The following IL1RAPL1 variants were observed in gnomAD, a reference collection of about 807,000 sequenced individuals.
IL1RAPL1 encodes the protein interleukin-1 receptor accessory protein-like 1.
Under a neutral mutation model 48.4 loss-of-function variants are expected in IL1RAPL1, and 3 were observed. That is an observed-to-expected ratio of 0.06 (90% CI 0.03 to 0.16). IL1RAPL1 has a LOEUF of 0.16. Ranked by LOEUF, IL1RAPL1 falls within the 10% of genes least tolerant of loss-of-function variation. IL1RAPL1 has a pLI of 1.00. For missense variants in IL1RAPL1, 349 were observed against 530.6 expected (o/e 0.66, Z 3.36); for synonymous variants, 185 against 187.7 (o/e 0.99, Z 0.12).
chrX:29,081,426 C>G (rs1251258533), intron 2 of IL1RAPL1, among the ~76,000 whole-genome samples: 1 of 110,629 alleles, frequency 9.0e-6, no homozygotes, highest in Non-Finnish European at 1.9e-5. Context: ...TGGCCTCAAA[C>G]TCCTGGGCTC....
intron 5 of IL1RAPL1, among the ~76,000 whole-genome samples, chrX:29,414,457 C>T (rs1934188736): frequency 9.0e-6 from 1 of 111,049 alleles, no homozygotes; most frequent in African/African-American, 3.3e-5. Flanking sequence ...GGTGGCTTGC[C>T]CCTGTAAACC....
intron 2 of IL1RAPL1, among the ~76,000 whole-genome samples, chrX:28,791,147 A>T (rs1238541449): frequency 2.7e-5 from 3 of 109,233 alleles, no homozygotes; most frequent in African/African-American, 1.0e-4. Context: ...TGATTTATTT[A>T]TTCAAATAGA....
intron 3 of IL1RAPL1, among the ~76,000 whole-genome samples, chrX:29,315,232 G>A (rs1481132046): frequency 8.9e-6 from 1 of 111,836 alleles, no homozygotes; most frequent in Non-Finnish European, 1.9e-5. Flanking sequence ...GATGAGTTCG[G>A]ATAACAAAAA....
intron 2 of IL1RAPL1, among the ~76,000 whole-genome samples, chrX:29,113,630 TCTG>T (rs1928618148): frequency 8.9e-6 from 1 of 111,793 alleles, no homozygotes; most frequent in Admixed American, 9.5e-5. Flanking sequence ...TCCTAGAGAT[TCTG>T]CTTTTTTGCT....
chrX:29,463,859 C>T (rs1934831434), intron 5 of IL1RAPL1, among the ~76,000 whole-genome samples: 1 of 111,495 alleles, frequency 9.0e-6, no homozygotes, highest in Non-Finnish European at 1.9e-5. Context: ...AAAAAGCTGT[C>T]CCGTGACCAC....
intron 2 of IL1RAPL1, among the ~76,000 whole-genome samples, chrX:28,904,396 A>G (rs372832957): frequency 1.8e-5 from 2 of 111,985 alleles, no homozygotes; most frequent in South Asian, 3.7e-4. Flanking sequence ...TCGTAAGCAT[A>G]TTTCTCACAG....
At chrX:28,647,507 A>T (rs764356083) in intron 1 of IL1RAPL1, among the ~76,000 whole-genome samples, 2 of 112,441 alleles carry the variant, frequency 1.8e-5, no homozygotes, top group East Asian at 5.6e-4. Context: ...CTTCTGCTGT[A>T]AGAAAAAAAC....
At chrX:29,320,294 C>T (rs1416517588) in intron 3 of IL1RAPL1, among the ~76,000 whole-genome samples, 1 of 111,793 alleles carries the variant, frequency 8.9e-6, no homozygotes, top group African/African-American at 3.3e-5. Context: ...TTTTCCTCAA[C>T]ATATAAGACT....
intron 2 of IL1RAPL1, among the ~76,000 whole-genome samples, chrX:28,923,394 C>T (rs994342174): frequency 2.4e-4 from 27 of 110,306 alleles, no homozygotes; most frequent in African/African-American, 7.3e-4. Flanking sequence ...AGGCTGGTCT[C>T]GAACTCCCAA....
chrX:29,600,979 T>C (rs967273871), intron 5 of IL1RAPL1, among the ~76,000 whole-genome samples: 30 of 110,827 alleles, frequency 2.7e-4, no homozygotes, highest in African/African-American at 9.5e-4. Flanking sequence ...GGCTGAGAAT[T>C]TGCCCCAGAC....
At chrX:29,717,812 G>A (rs947963518) in intron 6 of IL1RAPL1, among the ~76,000 whole-genome samples, 4 of 111,723 alleles carry the variant, frequency 3.6e-5, no homozygotes, top group Non-Finnish European at 7.5e-5. Context: ...GCTCTATTGT[G>A]TTTTAGTTCT....
intron 5 of IL1RAPL1, among the ~76,000 whole-genome samples, chrX:29,532,187 C>T (rs892606962): frequency 2.7e-5 from 3 of 111,715 alleles, no homozygotes; most frequent in Non-Finnish European, 3.8e-5. Context: ...GAGAGTGACC[C>T]GAGTGTTTAT....
chrX:29,484,943 A>G (rs1006212433), intron 5 of IL1RAPL1, among the ~76,000 whole-genome samples: 1 of 112,066 alleles, frequency 8.9e-6, no homozygotes, highest in Non-Finnish European at 1.9e-5. Context: ...CTCAGACCTA[A>G]ATGATACACT....
At chrX:29,353,806 C>T (rs940905198) in intron 3 of IL1RAPL1, among the ~76,000 whole-genome samples, 3 of 102,740 alleles carry the variant, frequency 2.9e-5, no homozygotes, top group African/African-American at 1.0e-4. Flanking sequence ...AGTTCTCCAT[C>T]TCTCATTTTC....
chrX:28,615,113 C>G (rs759532374), intron 1 of IL1RAPL1, among the ~76,000 whole-genome samples: 1 of 107,894 alleles, frequency 9.3e-6, no homozygotes, highest in South Asian at 4.2e-4. Flanking sequence ...TGGTCTCGAC[C>G]TCCTGACCTC....
chrX:29,006,082 G>T (rs930298998), intron 2 of IL1RAPL1, among the ~76,000 whole-genome samples: 7 of 111,478 alleles, frequency 6.3e-5, no homozygotes, highest in Non-Finnish European at 1.3e-4. Context: ...ATGGGAGGGG[G>T]ATCTGTAAAG....
At chrX:29,349,310 C>T (rs767898271) in intron 3 of IL1RAPL1, among the ~76,000 whole-genome samples, 1 of 112,137 alleles carries the variant, frequency 8.9e-6, no homozygotes, top group East Asian at 2.8e-4. Context: ...TATAGTCAAA[C>T]AAGGTAAGTG....
At chrX:29,807,403 T>A (rs968627529) in intron 6 of IL1RAPL1, among the ~76,000 whole-genome samples, 9 of 108,317 alleles carry the variant, frequency 8.3e-5, no homozygotes, top group African/African-American at 2.7e-4. Flanking sequence ...TCACCTGAGG[T>A]CAGGAGATTG....
chrX:29,820,564 C>G (rs933301952), intron 6 of IL1RAPL1, among the ~76,000 whole-genome samples: 1 of 111,558 alleles, frequency 9.0e-6, no homozygotes, highest in Non-Finnish European at 1.9e-5. Context: ...ATTTTAGCCC[C>G]CCTCTGGGGA....
Sources: gnomAD v4.1 joint callset for allele counts (sites outside exome capture counted in the v4.1 genomes callset) on GRCh38, gnomAD v4.1.1 for gene constraint, MANE v1.5 for transcripts, NCBI Gene and HGNC (gene_info 2026-07-23, HGNC 2026-07-21) for gene names.